Variants in RNF128 observed in about 807,000 individuals in gnomAD.
RNF128 encodes E3 ubiquitin-protein ligase RNF128.
In RNF128, 13 loss-of-function variants were observed where a neutral mutation model predicts 26.2. That is an observed-to-expected ratio of 0.50 (90% CI 0.32 to 0.79). The LOEUF (loss-of-function observed/expected upper bound fraction) is 0.79, where lower values mean the gene tolerates loss of function less well. RNF128 is among the 30% of genes least tolerant of loss of function. RNF128 has a pLI of 0.03. For synonymous variants in RNF128, 149 were observed against 142.5 expected (o/e 1.05, Z -0.32); for missense variants, 315 against 349.7 (o/e 0.90, Z 0.79).
intron 2 of RNF128, among the ~76,000 whole-genome samples, chrX:106,781,765 G>C (rs1454806567): frequency 8.9e-6 from 1 of 111,870 alleles, no homozygotes; most frequent in Non-Finnish European, 1.9e-5. Flanking sequence ...TTAAACATTA[G>C]TTTATGCTAT....
Position 106,741,792 on chromosome X carries a change from T to C in RNF128, c.484+14395T>C, listed in dbSNP as rs900777438. Among the ~76,000 whole-genome samples, 4 of 112,018 alleles carry C rather than the reference T, an allele frequency of 3.6e-5. No homozygotes were observed. In the Admixed American group the frequency reaches 3.8e-4, roughly 11 times the overall value. On this transcript the variant is annotated intron_variant, in intron 1 of 6. Transcript: ENST00000255499. Reference sequence around the variant, plus strand: ...ATGTGTTATGTGGTAGGCACTCTGCTAGTTGCTATAGATACAGTGATGAAA... The same window carrying C: ...ATGTGTTATGTGGTAGGCACTCTGCCAGTTGCTATAGATACAGTGATGAAA...
At chrX:106,783,698 A>G (rs1036078558) in intron 2 of RNF128, among the ~76,000 whole-genome samples, 1 of 111,667 alleles carries the variant, frequency 9.0e-6, no homozygotes, top group South Asian at 3.7e-4. Flanking sequence ...GAGGCTGGGT[A>G]ATTCATAAAG....
chrX:106,783,769 C>T (rs779581267), intron 2 of RNF128, among the ~76,000 whole-genome samples: 7 of 111,242 alleles, frequency 6.3e-5, no homozygotes, highest in South Asian at 3.8e-4. Flanking sequence ...CGCCAACCTC[C>T]GCTTCTGGTG....
upstream of RNF128, among the ~76,000 whole-genome samples, chrX:106,721,898 T>A (rs1218535952): frequency 1.8e-5 from 2 of 112,037 alleles, no homozygotes; most frequent in Non-Finnish European, 3.8e-5. Context: ...TAATAATAGA[T>A]ACTTGTGAGG....
intron 2 of RNF128, among the ~76,000 whole-genome samples, chrX:106,783,626 C>T (rs1178954975): frequency 9.0e-6 from 1 of 111,420 alleles, no homozygotes; most frequent in Non-Finnish European, 1.9e-5. Flanking sequence ...CCATGCTGCA[C>T]ATGCTACCAT....
chrX:106,697,086 T>C lies in RNF128; in HGVS notation c.406+2678T>C, dbSNP rs144885638. 5.0e-3 allele frequency among the ~76,000 whole-genome samples: 562 copies of C among 112,055 alleles called. 3 individuals are homozygous for C. Among genetic ancestry groups the C allele is most frequent in the Non-Finnish European group, 8.0e-3 (424 of 53,188 alleles). ...AAGTTGGCCACCCTAGCTGGCTTTGTTCTGAACTTGGAGGCTGCCAGTAAG... is the reference window on the plus strand; with the variant it reads ...AAGTTGGCCACCCTAGCTGGCTTTGCTCTGAACTTGGAGGCTGCCAGTAAG... On this transcript the variant is annotated intron_variant, in intron 1 of 6. Transcript: ENST00000324342.
At chrX:106,742,058 A>T (rs1485137719) in intron 1 of RNF128, among the ~76,000 whole-genome samples, 1 of 111,959 alleles carries the variant, frequency 8.9e-6, no homozygotes, top group East Asian at 2.8e-4. Flanking sequence ...AGGAGAATGA[A>T]TTAGAAGTCT....
At chrX:106,788,353 T>C in intron 4 of RNF128, among the ~76,000 whole-genome samples, 1 of 50,766 alleles carries the variant, frequency 2.0e-5, no homozygotes, top group Non-Finnish European at 3.2e-5. Flanking sequence ...ATATATATTA[T>C]ATACTATATA....
rs772706402 is a variant in RNF128, at chrX:106,693,862, A to G, written c.-141A>G. The stretch of plus-strand genomic sequence containing the variant: ...AATAGAGCTGATGTATCCAGAGGTT[A>G]TGTTGCTAGAGGTGAGATCAGTTAC... On this transcript the variant is annotated 5_prime_UTR_variant, in exon 1 of 7. Coordinates refer to the RNF128 transcript ENST00000324342. 25 of 476,240 alleles carry G rather than the reference A, an allele frequency of 5.2e-5. 1 individual carries two copies. The highest frequency in any genetic ancestry group is 7.1e-5 in the Non-Finnish European group (20 of 280,220). 39.2% of individuals were successfully genotyped at this position (476,240 alleles called of 1,213,427 possible). A position where few individuals can be genotyped will look rare whatever the true frequency, so the allele number is the denominator to read the frequency against.
chrX:106,749,633 T>C, intron 1 of RNF128, among the ~76,000 whole-genome samples: 1 of 112,274 alleles, frequency 8.9e-6, no homozygotes, highest in South Asian at 3.7e-4. Flanking sequence ...AGGCCAGCCA[T>C]GGTAGTTCAC....
chrX:106,756,610 G>A (rs1390958339), intron 1 of RNF128, among the ~76,000 whole-genome samples: 6 of 109,130 alleles, frequency 5.5e-5, no homozygotes, highest in Non-Finnish European at 7.6e-5. Flanking sequence ...AGATTTAAAC[G>A]TTAGACCTAA....
chrX:106,699,092 A>G (rs1037657107), intron 1 of RNF128, among the ~76,000 whole-genome samples: 2 of 111,704 alleles, frequency 1.8e-5, no homozygotes, highest in African/African-American at 6.5e-5. Flanking sequence ...GCCTCCATCC[A>G]AGCCCAGGCC....
intron 5 of RNF128, 40 bp downstream of exon 5, chrX:106,790,322 T>C: frequency 1.1e-6 from 1 of 940,266 alleles, no homozygotes. Context: ...AATATATGCC[T>C]GGGCTTTGGA....
chrX:106,775,855 T>G (rs1921217481), intron 2 of RNF128, among the ~76,000 whole-genome samples: 1 of 111,732 alleles, frequency 8.9e-6, no homozygotes, highest in Non-Finnish European at 1.9e-5. Flanking sequence ...ATTCAAGAAT[T>G]TCTTCCTTCT....
At chrX:106,705,030 G>C (rs929103087) in intron 1 of RNF128, among the ~76,000 whole-genome samples, 1 of 111,887 alleles carries the variant, frequency 8.9e-6, no homozygotes, top group African/African-American at 3.3e-5. Context: ...TAAATCACAA[G>C]GGTTTGTTCC....
At chrX:106,762,402 G>A (rs1478111713) in intron 1 of RNF128, among the ~76,000 whole-genome samples, 3 of 107,437 alleles carry the variant, frequency 2.8e-5, no homozygotes, top group African/African-American at 1.0e-4. Flanking sequence ...CACAACCTCT[G>A]CCTCGGGTTC....
In RNF128 at chrX:106,727,392, A is replaced by C; in HGVS notation, c.479A>C (p.His160Pro). 1 of 1,210,139 alleles carries C rather than the reference A, an allele frequency of 8.3e-7. No individual in the cohort carries two copies. The highest frequency in any genetic ancestry group is 1.1e-6 in the Non-Finnish European group (1 of 895,012). ...GTRNEVIPMS[H>P]PGAVDIVAIM... ...CGCAATGAGGTCATCCCCATGTCTC[A>C]CCCGGGTGAGTGCAGCTACTAGATT... Residue 160 changes from histidine to proline, a missense_variant, in exon 1 of 7, where the codon CAC becomes CCC. Transcript: ENST00000255499.
chrX:106,791,760 T>C (rs1341360033), intron 6 of RNF128, among the ~76,000 whole-genome samples: 2 of 111,585 alleles, frequency 1.8e-5, no homozygotes, highest in Admixed American at 1.9e-4. Flanking sequence ...AAATTGAATA[T>C]ATCATTTTCA....
At chrX:106,694,647 TA>T (rs1237400516) in intron 1 of RNF128, among the ~76,000 whole-genome samples, 1 of 111,828 alleles carries the variant, frequency 8.9e-6, no homozygotes, top group Non-Finnish European at 1.9e-5. Context: ...CTTAGCAATA[TA>T]AGTTTCCTCA....
Sources: allele counts gnomAD v4.1 joint callset (sites outside exome capture counted in the v4.1 genomes callset), GRCh38; gene constraint gnomAD v4.1.1; transcripts MANE v1.5; gene names NCBI Gene and HGNC (gene_info 2026-07-23, HGNC 2026-07-21).